The following SEC61A2 variants were observed in gnomAD, a reference collection of about 807,000 sequenced individuals.
SEC61A2 encodes protein transport protein Sec61 subunit alpha isoform 2.
A neutral mutation model predicts 59.9 loss-of-function variants in SEC61A2; 28 were observed. The observed-to-expected ratio is 0.47, with a 90% confidence interval of 0.35 to 0.64. The LOEUF (loss-of-function observed/expected upper bound fraction) is 0.64. SEC61A2 is among the 30% of genes least tolerant of loss of function. The pLI, the probability that SEC61A2 is intolerant of heterozygous loss-of-function variation, is 0.01. For missense variants in SEC61A2, 340 were observed against 585.9 expected, an observed-to-expected ratio of 0.58 and a Z score of 4.33; for synonymous variants, 202 against 214.4, an observed-to-expected ratio of 0.94 and a Z score of 0.50.
At chr10:12,168,938 T>C (rs1320146673), downstream of SEC61A2, among the ~76,000 whole-genome samples, 2 of 152,032 alleles carry the variant, frequency 1.3e-5, no homozygotes, top group African/African-American at 4.8e-5. This position sits in a 1 kb window ranked among gnomAD's most constrained non-coding sequence, Gnocchi z 4.8. Flanking sequence ...AATTTTTGTA[T>C]TTTTAGTAGA....
rs1353718941 is a variant in SEC61A2 at position 12,164,771 on chromosome 10, T to A, written c.*317T>A. 7 of 1,088,154 alleles carry A rather than the reference T, an allele frequency of 6.4e-6. No individual in the cohort carries two copies. In the East Asian group the frequency reaches 4.6e-4, roughly 71 times the overall value. 67.4% of individuals were successfully genotyped at this position (1,088,154 alleles called of 1,614,324 possible). ...AGATGGATTCGTTTTGCACACAACA[T>A]TCAAAACACTTCATATTGCCCCCAC... On this transcript the variant is annotated 3_prime_UTR_variant, in exon 12 of 12. Transcript: ENST00000298428. The surrounding 1 kb of genome is among the most constrained non-coding windows in gnomAD (Gnocchi z 7.3).
At position 12,152,752 on chromosome 10, in the gene SEC61A2, G is replaced by T. The variant is rs1834306354; in HGVS notation, c.462+2791G>T. Among the ~76,000 whole-genome samples, 1 of 152,084 alleles carries T rather than the reference G, an allele frequency of 6.6e-6. No homozygotes were observed. The highest frequency in any genetic ancestry group is 1.5e-5 in the Non-Finnish European group (1 of 67,982). On this transcript the variant is annotated intron_variant, in intron 6 of 11. Transcript: ENST00000298428. This position sits in a 1 kb window ranked among gnomAD's most constrained non-coding sequence, Gnocchi z 5.5. The stretch of plus-strand genomic sequence containing the variant: ...TACCAAAAATACAAAAATTAGCAGG[G>T]CGTGGTGGCAGGAGCCTGTAGTCCC...
At position 12,129,691 on chromosome 10, in the gene SEC61A2, A is replaced by T. The variant is rs1833679775; in HGVS notation, c.-97A>T. ...GCGGAGCCTGCGCGGGGCCGGTAGGATCGCGTCGGGAGCCGGTACCGAGGC... is the reference window on the plus strand; with the variant it reads ...GCGGAGCCTGCGCGGGGCCGGTAGGTTCGCGTCGGGAGCCGGTACCGAGGC... On this transcript the variant is annotated 5_prime_UTR_variant, in exon 1 of 12. Coordinates refer to ENST00000298428, the MANE Select transcript of SEC61A2 (RefSeq NM_018144.4). The surrounding 1 kb of genome is among the most constrained non-coding windows in gnomAD (Gnocchi z 5.6). The T allele has an allele frequency of 2.5e-6, 3 of 1,223,160 alleles. No individual in the cohort carries two copies. The South Asian group carries it at 4.1e-5, about 17-fold the overall frequency. The allele number at this position is 1,223,160 out of a possible 1,614,324, so 75.8% of individuals were successfully genotyped here.
chr10:12,139,816 A>G (rs1022100834), intron 3 of SEC61A2, among the ~76,000 whole-genome samples: 5 of 151,394 alleles, frequency 3.3e-5, no homozygotes, highest in Admixed American at 2.0e-4. Context: ...ATAAAAATAC[A>G]AAATTGGCTG....
In SEC61A2 at chr10:12,149,308, C is replaced by T. The variant is rs7077434; in HGVS notation, c.221-287C>T. Among the ~76,000 whole-genome samples the T allele has an allele frequency of 0.42, 63,755 of 151,696 alleles. 13,407 individuals carry two copies. The highest frequency in any genetic ancestry group is 0.53 in the East Asian group (2,714 of 5,154). ...TTTCTCCATGTTGTCCCGTTGGTCT[C>T]GAACTTCTGACCTCAGGTGATCCAC... On this transcript the variant is annotated intron_variant, in intron 4 of 11. Coordinates refer to ENST00000298428, the MANE Select transcript of SEC61A2 (RefSeq NM_018144.4). The surrounding 1 kb of genome is among the most constrained non-coding windows in gnomAD (Gnocchi z 5.2).
In SEC61A2 at chr10:12,145,424, C is replaced by T. The variant is rs1435439073; in HGVS notation, c.220+2229C>T. On this transcript the variant is annotated intron_variant, in intron 4 of 11. Transcript: ENST00000298428. The surrounding 1 kb of genome is among the most constrained non-coding windows in gnomAD (Gnocchi z 4.4). ...CTTCCAAAACAGTTGTTTGATTTTACACTCTCAGCGACAGTATATGAGAAT... is the reference window on the plus strand; with the variant it reads ...CTTCCAAAACAGTTGTTTGATTTTATACTCTCAGCGACAGTATATGAGAAT... Among the ~76,000 whole-genome samples, 4 of 152,186 alleles carry T rather than the reference C, an allele frequency of 2.6e-5. No individual in the cohort carries two copies. The highest frequency in any genetic ancestry group is 2.1e-4 in the South Asian group (1 of 4,828).
Position 12,143,267 on chromosome 10 carries a change from G to C in SEC61A2, c.220+72G>C. 1 of 1,087,516 alleles carries C rather than the reference G, an allele frequency of 9.2e-7. No homozygotes were observed. The highest frequency in any genetic ancestry group is 1.2e-5 in the South Asian group (1 of 80,556). The allele number at this position is 1,087,516 out of a possible 1,614,324, so 67.4% of individuals were successfully genotyped here. A position where few individuals can be genotyped will look rare whatever the true frequency, so the allele number is the denominator to read the frequency against. Reference sequence around the variant, plus strand: ...ATGGAAACATGTGGATTAGCAATGAGTTTTCAATGTCTACAGGGAGGGGGA... The same window carrying C: ...ATGGAAACATGTGGATTAGCAATGACTTTTCAATGTCTACAGGGAGGGGGA... On this transcript the variant is annotated intron_variant, in intron 4 of 11. Transcript: ENST00000298428. This position sits in a 1 kb window ranked among gnomAD's most constrained non-coding sequence, Gnocchi z 4.8.
rs1834543786 is a variant in SEC61A2, at chr10:12,162,112, T to TATA, written c.1168-101_1168-100insATA. Reference sequence around the variant, plus strand: ...ACAATGCAACTTTCAGGTTATTGTATGTTACGTGTTAGTGTGTGGCGAGCA... The same window carrying TATA: ...ACAATGCAACTTTCAGGTTATTGTATATAGTTACGTGTTAGTGTGTGGCGAGCA... On this transcript the variant is annotated intron_variant, in intron 10 of 11. Transcript: ENST00000298428. This position sits in a 1 kb window ranked among gnomAD's most constrained non-coding sequence, Gnocchi z 6.1. 1.2e-6 allele frequency: 1 copy of TATA among 859,824 alleles called. No homozygotes were observed. The highest frequency in any genetic ancestry group is 1.9e-6 in the Non-Finnish European group (1 of 513,524). 53.3% of individuals were successfully genotyped at this position (859,824 alleles called of 1,614,324 possible).
rs1834062026 is a variant in SEC61A2, at chr10:12,143,237, A to G, written c.220+42A>G. 6 of 1,317,052 alleles carry G rather than the reference A, an allele frequency of 4.6e-6. No individual in the cohort carries two copies. 81.6% of individuals were successfully genotyped at this position (1,317,052 alleles called of 1,614,324 possible). A position where few individuals can be genotyped will look rare whatever the true frequency, so the allele number is the denominator to read the frequency against. On this transcript the variant is annotated intron_variant, in intron 4 of 11. Transcript: ENST00000298428. This position sits in a 1 kb window ranked among gnomAD's most constrained non-coding sequence, Gnocchi z 4.8. ...TGTCTCCACACTCCTACTCACAGCAAACAGATGGAAACATGTGGATTAGCA... is the reference window on the plus strand; with the variant it reads ...TGTCTCCACACTCCTACTCACAGCAGACAGATGGAAACATGTGGATTAGCA...
rs1252926053 is a variant in SEC61A2 at position 12,145,766 on chromosome 10, A to G, written c.220+2571A>G. 2.0e-5 allele frequency among the ~76,000 whole-genome samples: 3 copies of G among 152,228 alleles called. No individual in the cohort carries two copies. Among genetic ancestry groups the G allele is most frequent in the African/African-American group, 7.2e-5 (3 of 41,458 alleles). ...GATGTTGGAACATTACCCATCTGAC[A>G]TGAAAAGAAAAAAGAAAAAACATTG... On this transcript the variant is annotated intron_variant, in intron 4 of 11. Coordinates refer to ENST00000298428, the MANE Select transcript of SEC61A2 (RefSeq NM_018144.4). The surrounding 1 kb of genome is among the most constrained non-coding windows in gnomAD (Gnocchi z 4.4).
intron 1 of SEC61A2, among the ~76,000 whole-genome samples, chr10:12,132,116 C>A (rs1313768247): frequency 6.7e-6 from 1 of 149,094 alleles, no homozygotes; most frequent in African/African-American, 2.5e-5. Context: ...GCCTGACCAA[C>A]ATGGTGAAAC....
Position 12,133,251 on chromosome 10 carries a change from A to G in SEC61A2, c.18A>G (p.Leu6=). ...TTTTTCTTTTTACAGTCAAATTTTT[A>G]GAAGTTATCAAACCATTCTGTGCAG... MGIKF[L]EVIKPFCAVL... Residue 6 remains leucine (L), a synonymous_variant, in exon 2 of 12, where the codon TTA becomes TTG. Transcript: ENST00000298428. 1 of 1,517,406 alleles carries G rather than the reference A, an allele frequency of 6.6e-7. No homozygotes were observed. The highest frequency in any genetic ancestry group is 9.1e-7 in the Non-Finnish European group (1 of 1,100,856). The allele number at this position is 1,517,406 out of a possible 1,614,324, so 94.0% of individuals were successfully genotyped here.
intron 6 of SEC61A2, among the ~76,000 whole-genome samples, chr10:12,150,558 A>G (rs1403511582): frequency 5.3e-5 from 8 of 152,262 alleles, no homozygotes; most frequent in Non-Finnish European, 1.0e-4. Flanking sequence ...TTTTGTAAGT[A>G]GAAAATTAAA....
Position 12,149,452 on chromosome 10 carries a change from C to T in SEC61A2, c.221-143C>T, listed in dbSNP as rs756048047. 5.4e-6 allele frequency: 4 copies of T among 742,778 alleles called. No homozygotes were observed. The highest frequency in any genetic ancestry group is 8.9e-6 in the Non-Finnish European group (4 of 447,770). 46.0% of individuals were successfully genotyped at this position (742,778 alleles called of 1,614,324 possible). A position where few individuals can be genotyped will look rare whatever the true frequency, so the allele number is the denominator to read the frequency against. ...GTTAATAAATGAGAACTTTTCTTAG[C>T]AAGTAGTGTTTAAGAAATGAAAATT... On this transcript the variant is annotated intron_variant, in intron 4 of 11. Coordinates refer to ENST00000298428, the MANE Select transcript of SEC61A2 (RefSeq NM_018144.4). This position sits in a 1 kb window ranked among gnomAD's most constrained non-coding sequence, Gnocchi z 5.2.
Position 12,165,326 on chromosome 10 carries a change from A to G in SEC61A2, c.*872A>G, listed in dbSNP as rs1275903262. The G allele has an allele frequency of 1.0e-6, 1 of 983,514 alleles. No homozygotes were observed. Among genetic ancestry groups the G allele is most frequent in the Admixed American group, 6.1e-5 (1 of 16,274 alleles). 60.9% of individuals were successfully genotyped at this position (983,514 alleles called of 1,614,324 possible). ...TTGTTGTACTCACAGCAGCAACATG[A>G]GTGTAAACAGTAGACAATAAACTTT... On this transcript the variant is annotated 3_prime_UTR_variant, in exon 12 of 12. Coordinates refer to ENST00000298428, the MANE Select transcript of SEC61A2 (RefSeq NM_018144.4).
chr10:12,155,802 C>G lies in SEC61A2; in HGVS notation c.487C>G (p.Leu163Val). The G allele has an allele frequency of 6.2e-7, 1 of 1,614,202 alleles. No individual in the cohort carries two copies. Among genetic ancestry groups the G allele is most frequent in the Non-Finnish European group, 8.5e-7 (1 of 1,180,028 alleles). The stretch of plus-strand genomic sequence containing the variant: ...GTTGTTTGTTGCTGGTTTGATTGTG[C>G]TGCTGTTAGATGAGCTGCTACAGAA... ...IQLFVAGLIV[L>V]LLDELLQKGY... Residue 163 changes from leucine (L) to valine (V), a missense_variant, in exon 7 of 12, where the codon CTG (leucine) becomes GTG (valine). By Grantham distance (32) the Leu-to-Val change is conservative. Coordinates refer to ENST00000298428, the MANE Select transcript of SEC61A2 (RefSeq NM_018144.4). This position sits in a 1 kb window ranked among gnomAD's most constrained non-coding sequence, Gnocchi z 4.3.
chr10:12,161,322 G>A lies in SEC61A2; in HGVS notation c.1167+201G>A, dbSNP rs1573986. 0.42 allele frequency among the ~76,000 whole-genome samples: 63,308 copies of A among 151,986 alleles called. 13,230 individuals are homozygous for A. Among genetic ancestry groups the A allele is most frequent in the East Asian group, 0.53 (2,724 of 5,172 alleles). ...CGGCCGGGCACGGTGGTGCAAGCCC[G>A]TGGTCCCAGCTACTTGGGAAGTTGA... On this transcript the variant is annotated intron_variant, in intron 10 of 11. Transcript: ENST00000298428. The surrounding 1 kb of genome is among the most constrained non-coding windows in gnomAD (Gnocchi z 5.4).
At position 12,142,598 on chromosome 10, in the gene SEC61A2, T is replaced by A; in HGVS notation, c.142-519T>A. On this transcript the variant is annotated intron_variant, in intron 3 of 11. Transcript: ENST00000298428. The surrounding 1 kb of genome is among the most constrained non-coding windows in gnomAD (Gnocchi z 5.4). The stretch of plus-strand genomic sequence containing the variant: ...ATTCCATAATCTACTGGTGGGAGTG[T>A]TTTTTAAATTGTGGTAAAAGTATAG... 1 of 744,178 alleles carries A rather than the reference T, an allele frequency of 1.3e-6. No individual in the cohort carries two copies. The highest frequency in any genetic ancestry group is 1.6e-6 in the Non-Finnish European group (1 of 609,978). The allele number at this position is 744,178 out of a possible 1,614,324, so 46.1% of individuals were successfully genotyped here. A position where few individuals can be genotyped will look rare whatever the true frequency, so the allele number is the denominator to read the frequency against.
At position 12,164,673 on chromosome 10, in the gene SEC61A2, A is replaced by G. The variant is rs1834622984; in HGVS notation, c.*219A>G. 7.5e-7 allele frequency: 1 copy of G among 1,339,122 alleles called. No homozygotes were observed. The highest frequency in any genetic ancestry group is 9.5e-7 in the Non-Finnish European group (1 of 1,050,324). The allele number at this position is 1,339,122 out of a possible 1,614,324, so 83.0% of individuals were successfully genotyped here. On this transcript the variant is annotated 3_prime_UTR_variant, in exon 12 of 12. Coordinates refer to ENST00000298428, the MANE Select transcript of SEC61A2 (RefSeq NM_018144.4). This position sits in a 1 kb window ranked among gnomAD's most constrained non-coding sequence, Gnocchi z 7.3. ...TTACATTATTCATTAAAAAAAGTAC[A>G]TCTAGTGTTGCCTGTAATGCTGGAA...
Sources: gnomAD v4.1 joint callset for allele counts (sites outside exome capture counted in the v4.1 genomes callset) on GRCh38, gnomAD v4.1.1 for gene constraint, Gnocchi (gnomAD v3.1) non-coding constraint, MANE v1.5 for transcripts, NCBI Gene and HGNC (gene_info 2026-07-23, HGNC 2026-07-21) for gene names.